ZFYVE28: variants seen among roughly 807,000 people sequenced by gnomAD.
ZFYVE28 encodes lateral signaling target protein 2 homolog.
In ZFYVE28, 40 loss-of-function variants were observed where a neutral mutation model predicts 82.1. The ratio of observed to expected loss-of-function variants is 0.49; its 90% confidence interval spans 0.38 to 0.63. The LOEUF (loss-of-function observed/expected upper bound fraction) is 0.63. ZFYVE28 is among the 30% of genes least tolerant of loss of function. ZFYVE28 has a pLI of 0.00. For synonymous variants in ZFYVE28, 612 were observed against 546.1 expected (o/e 1.12, Z -1.68); for missense variants, 1,321 against 1,242.1 (o/e 1.06, Z -0.96).
At chr4:2,322,319 G>A (rs930459422) in intron 6 of ZFYVE28, among the ~76,000 whole-genome samples, 10 of 152,246 alleles carry the variant, frequency 6.6e-5, no homozygotes, top group Non-Finnish European at 8.8e-5. Context: ...CTGGGAATGA[G>A]CTATTGCCAG....
chr4:2,289,576 C>G (rs1435782312), intron 8 of ZFYVE28, among the ~76,000 whole-genome samples: 2 of 152,168 alleles, frequency 1.3e-5, no homozygotes, highest in Non-Finnish European at 2.9e-5. Flanking sequence ...GAGCCAGGTG[C>G]AGCCCCACAC....
rs565544558 is a variant in ZFYVE28, at chr4:2,321,897, G to C, written c.702-1626C>G. On this transcript the variant is annotated intron_variant, in intron 6 of 12. Transcript: ENST00000290974. ...GCCCCCCAGGGCAGTCAGCAGGAGT[G>C]GGGGGACAAGGCCCACCCATGAGAG... 3.1e-3 allele frequency among the ~76,000 whole-genome samples: 464 copies of C among 151,524 alleles called. 2 individuals are homozygous for C. The highest frequency in any genetic ancestry group is 0.01 in the African/African-American group (422 of 41,512).
intron 6 of ZFYVE28, among the ~76,000 whole-genome samples, chr4:2,325,496 G>A (rs1719722066): frequency 6.6e-6 from 1 of 151,790 alleles, no homozygotes; most frequent in Non-Finnish European, 1.5e-5. Flanking sequence ...AAGCGTTTGT[G>A]CAAAAATACA....
At chr4:2,322,045 C>A (rs1170313078) in intron 6 of ZFYVE28, among the ~76,000 whole-genome samples, 1 of 152,244 alleles carries the variant, frequency 6.6e-6, no homozygotes, top group Non-Finnish European at 1.5e-5. Flanking sequence ...GTCCCCACAT[C>A]CAGCCGTGTG....
intron 7 of ZFYVE28, among the ~76,000 whole-genome samples, chr4:2,308,667 AAGAAAGAAAGAG>A (rs1560182248): frequency 1.0e-5 from 1 of 100,006 alleles, no homozygotes; most frequent in African/African-American, 4.4e-5. Flanking sequence ...GAAAGAAAGA[AAGAAAGAAAGAG>A]AAAGAAAGAA....
rs1354231910 is a variant in ZFYVE28, at chr4:2,394,592, C to G, written c.39+23693G>C. Among the ~76,000 whole-genome samples the G allele has an allele frequency of 6.6e-6, 1 of 152,226 alleles. No homozygotes were observed. The highest frequency in any genetic ancestry group is 1.5e-5 in the Non-Finnish European group (1 of 68,030). Reference sequence around the variant, plus strand: ...GCTCCAGCTGTGTGCACATAAGGTCCTAAAACATCAACGCCTCCTTTCTAA... The same window carrying G: ...GCTCCAGCTGTGTGCACATAAGGTCGTAAAACATCAACGCCTCCTTTCTAA... On this transcript the variant is annotated intron_variant, in intron 1 of 12. Transcript: ENST00000290974. This position sits in a 1 kb window ranked among gnomAD's most constrained non-coding sequence, Gnocchi z 4.0.
At chr4:2,288,891 A>T (rs1713173290) in intron 8 of ZFYVE28, among the ~76,000 whole-genome samples, 1 of 152,258 alleles carries the variant, frequency 6.6e-6, no homozygotes, top group Admixed American at 6.5e-5. Flanking sequence ...ACTTGAGCCC[A>T]GGAATCCTAG....
intron 8 of ZFYVE28, among the ~76,000 whole-genome samples, chr4:2,276,992 A>T (rs1736521001): frequency 1.3e-5 from 2 of 152,090 alleles, no homozygotes; most frequent in Admixed American, 1.3e-4. Context: ...AATTAAAAAT[A>T]TAAAAAAAAA....
At chr4:2,369,732 G>C (rs1727291140) in intron 1 of ZFYVE28, among the ~76,000 whole-genome samples, 1 of 151,896 alleles carries the variant, frequency 6.6e-6, no homozygotes, top group Admixed American at 6.6e-5. Context: ...CCGGGAGCTG[G>C]AGAAGGCAAG....
At chr4:2,277,640 C>T (rs1287469119) in intron 8 of ZFYVE28, among the ~76,000 whole-genome samples, 1 of 151,886 alleles carries the variant, frequency 6.6e-6, no homozygotes, top group Non-Finnish European at 1.5e-5. Context: ...AAAAGAAGTA[C>T]AAGAATCATA....
At position 2,335,804 on chromosome 4, in the gene ZFYVE28, G is replaced by C; in HGVS notation, c.612-10C>G. The C allele has an allele frequency of 6.4e-7, 1 of 1,553,490 alleles. No individual in the cohort carries two copies. Among genetic ancestry groups the C allele is most frequent in the Non-Finnish European group, 8.7e-7 (1 of 1,147,746 alleles). On this transcript the variant is annotated splice_polypyrimidine_tract_variant and intron_variant, in intron 5 of 12. Coordinates refer to ENST00000290974, the MANE Select transcript of ZFYVE28 (RefSeq NM_020972.3). The surrounding 1 kb of genome is among the most constrained non-coding windows in gnomAD (Gnocchi z 5.8). ...CCCGAAGTCCAGGGCCCTGTCCGGG[G>C]AGACGGACAGTGAGCAGCATGAGGG...
intron 8 of ZFYVE28, among the ~76,000 whole-genome samples, chr4:2,290,018 G>A (rs540839185): frequency 2.0e-5 from 3 of 152,268 alleles, no homozygotes; most frequent in South Asian, 2.1e-4. Context: ...CCAGGGAGCC[G>A]CTGTCCTTGC....
chr4:2,330,843 G>A, intron 6 of ZFYVE28: 1 of 1,535,288 alleles, frequency 6.5e-7, no homozygotes, highest in Non-Finnish European at 8.7e-7. Context: ...CGGGTGCGTG[G>A]GGACTGGGGA....
chr4:2,303,046 A>C (rs73203325), intron 8 of ZFYVE28, among the ~76,000 whole-genome samples: 19,865 of 152,206 alleles, frequency 0.13, 1,510 homozygotes, highest in South Asian at 0.25. Context: ...GAAGAGGCGA[A>C]CCCATCGATG....
intron 8 of ZFYVE28, among the ~76,000 whole-genome samples, chr4:2,303,882 T>C (rs1392856966): frequency 6.6e-6 from 1 of 152,198 alleles, no homozygotes; most frequent in Non-Finnish European, 1.5e-5. Context: ...TGCGCTCGGA[T>C]GCGGCTCAGG....
Position 2,332,849 on chromosome 4 carries a change from C to T in ZFYVE28, c.701+2856G>A, listed in dbSNP as rs925277688. ...TCGAGGCTCGCTGCACAGAGGGTTG[C>T]AGTGGCAGCCTGGTGCACCCCACGG... On this transcript the variant is annotated intron_variant, in intron 6 of 12. Transcript: ENST00000290974. This position sits in a 1 kb window ranked among gnomAD's most constrained non-coding sequence, Gnocchi z 4.7. Among the ~76,000 whole-genome samples, 1 of 152,150 alleles carries T rather than the reference C, an allele frequency of 6.6e-6. No individual in the cohort carries two copies. Among genetic ancestry groups the T allele is most frequent in the Admixed American group, 6.5e-5 (1 of 15,280 alleles).
rs535159281 is a variant in ZFYVE28 at position 2,364,455 on chromosome 4, T to C, written c.40-10382A>G. 3.0e-6 allele frequency: 3 copies of C among 985,482 alleles called. No individual in the cohort carries two copies. The East Asian group carries it at 3.4e-4, about 112-fold the overall frequency. 61.0% of individuals were successfully genotyped at this position (985,482 alleles called of 1,614,324 possible). A position where few individuals can be genotyped will look rare whatever the true frequency, so the allele number is the denominator to read the frequency against. On this transcript the variant is annotated intron_variant, in intron 1 of 12. Coordinates refer to ENST00000290974, the MANE Select transcript of ZFYVE28 (RefSeq NM_020972.3). Reference sequence around the variant, plus strand: ...AACTGCCAGGAAAGGCTGGCAGCTTTACGTTCAATTCACATCAATAAGTAC... The same window carrying C: ...AACTGCCAGGAAAGGCTGGCAGCTTCACGTTCAATTCACATCAATAAGTAC...
At chr4:2,399,572 C>T (rs1730950149) in intron 1 of ZFYVE28, among the ~76,000 whole-genome samples, 1 of 152,192 alleles carries the variant, frequency 6.6e-6, no homozygotes, top group Admixed American at 6.5e-5. Flanking sequence ...TCATACATAC[C>T]CAGTTCATGT....
In ZFYVE28 at chr4:2,401,739, G is replaced by C. The variant is rs79962674; in HGVS notation, c.39+16546C>G. Among the ~76,000 whole-genome samples, 388 of 152,266 alleles carry C rather than the reference G, an allele frequency of 2.5e-3. 8 individuals carry two copies. In the East Asian group the frequency reaches 0.06, roughly 24 times the overall value. The stretch of plus-strand genomic sequence containing the variant: ...CGCAGTCCACCCCAAGAACCTCTAT[G>C]ACCCCCGGGGCTCAGGTGCAGAGCA... On this transcript the variant is annotated intron_variant, in intron 1 of 12. Coordinates refer to ENST00000290974, the MANE Select transcript of ZFYVE28 (RefSeq NM_020972.3).
Sources: allele counts gnomAD v4.1 joint callset (sites outside exome capture counted in the v4.1 genomes callset), GRCh38; gene constraint gnomAD v4.1.1; non-coding constraint Gnocchi (gnomAD v3.1); transcripts MANE v1.5; gene names NCBI Gene and HGNC (gene_info 2026-07-23, HGNC 2026-07-21).